The following PAM variants were observed in gnomAD, a reference collection of about 807,000 sequenced individuals.
The protein encoded by PAM is peptidyl-glycine alpha-amidating monooxygenase.
Under a neutral mutation model 122.1 loss-of-function variants are expected in PAM, and 72 were observed. The observed-to-expected ratio is 0.59, with a 90% CI of 0.49 to 0.72. The LOEUF (loss-of-function observed/expected upper bound fraction) is 0.72, where lower values mean the gene tolerates loss of function less well. PAM is among the 30% of genes least tolerant of loss of function. The pLI, the probability that PAM is intolerant of heterozygous loss-of-function variation, is 0.00. For synonymous variants in PAM, 389 were observed against 404.4 expected (o/e 0.96, Z 0.46); for missense variants, 1,106 against 1,183.7 (o/e 0.93, Z 0.96).
At chr5:102,791,292 A>C (rs1470906418) in intron 1 of PAM, among the ~76,000 whole-genome samples, 1 of 152,128 alleles carries the variant, frequency 6.6e-6, no homozygotes, top group African/African-American at 2.4e-5. Context: ...CGTATATGCC[A>C]AATTGTTCTT....
Position 102,847,558 on chromosome 5 carries a change from GA to G in PAM, c.-373-18256del, listed in dbSNP as rs200576614. ...GCAGTGAATGCAACTCTTTATTTGG[GA>G]AAAAAAAATTTAGTAAAATATAAAA... On this transcript the variant is annotated intron_variant, in intron 1 of 25. Coordinates refer to ENST00000438793, the MANE Select transcript of PAM (RefSeq NM_001177306.2). 1.9e-3 allele frequency among the ~76,000 whole-genome samples: 287 copies of G among 151,092 alleles called. 6 individuals are homozygous for G. The East Asian group carries it at 0.035, about 18-fold the overall frequency.
At chr5:102,763,862 G>A (rs1301790155) in intron 1 of PAM, among the ~76,000 whole-genome samples, 1 of 152,218 alleles carries the variant, frequency 6.6e-6, no homozygotes, top group South Asian at 2.1e-4. Flanking sequence ...AAGAACATAG[G>A]AGAGTGTTTT....
chr5:102,763,757 A>G (rs1163522751), intron 1 of PAM, among the ~76,000 whole-genome samples: 4 of 152,178 alleles, frequency 2.6e-5, no homozygotes, highest in African/African-American at 9.7e-5. Flanking sequence ...GATCAAGGGG[A>G]GAGAAGAGCT....
At chr5:103,014,210 A>C (rs575698513) in intron 21 of PAM, among the ~76,000 whole-genome samples, 1 of 152,320 alleles carries the variant, frequency 6.6e-6, no homozygotes, top group African/African-American at 2.4e-5. Context: ...TTTAATTTAA[A>C]TATGCATCTA....
chr5:102,768,554 A>G (rs951054602), intron 1 of PAM, among the ~76,000 whole-genome samples: 5 of 151,958 alleles, frequency 3.3e-5, no homozygotes, highest in African/African-American at 1.2e-4. Context: ...AATTGTTTGT[A>G]TTTTTAGTTC....
intron 1 of PAM, among the ~76,000 whole-genome samples, chr5:102,802,148 C>T (rs983955252): frequency 6.6e-6 from 1 of 152,146 alleles, no homozygotes; most frequent in African/African-American, 2.4e-5. Flanking sequence ...AAACTAGCTT[C>T]TTTAGAAAAA....
At chr5:102,923,260 G>C (rs1748080583) in intron 5 of PAM, among the ~76,000 whole-genome samples, 1 of 152,184 alleles carries the variant, frequency 6.6e-6, no homozygotes, top group Admixed American at 6.5e-5. Context: ...CCCTGCCTCT[G>C]AGTCTGAAGC....
intron 7 of PAM, 128 bp from the exon 8 acceptor site, chr5:102,946,709 A>G: frequency 1.5e-6 from 1 of 646,890 alleles, no homozygotes; most frequent in Non-Finnish European, 2.7e-6. Flanking sequence ...TAAATCATAA[A>G]GAACCATACA....
At chr5:102,868,941 A>T (rs1310568167) in intron 3 of PAM, among the ~76,000 whole-genome samples, 3 of 152,248 alleles carry the variant, frequency 2.0e-5, no homozygotes, top group Non-Finnish European at 4.4e-5. Flanking sequence ...AAATGTGTTC[A>T]TTTTTATAAT....
At chr5:102,907,126 T>C (rs1799806735) in intron 4 of PAM, among the ~76,000 whole-genome samples, 1 of 151,750 alleles carries the variant, frequency 6.6e-6, no homozygotes, top group South Asian at 2.1e-4. Context: ...GTTAATTTGG[T>C]GGCAGCAGCT....
chr5:102,990,426 A>G (rs1349151358), intron 16 of PAM, 25 bp downstream of exon 16: 1 of 1,542,262 alleles, frequency 6.5e-7, no homozygotes, highest in East Asian at 2.3e-5. Context: ...TTCTTCAATA[A>G]GCAAATGAAA....
intron 3 of PAM, among the ~76,000 whole-genome samples, chr5:102,868,645 T>C (rs1419234089): frequency 6.6e-6 from 1 of 152,218 alleles, no homozygotes; most frequent in Admixed American, 6.5e-5. Context: ...CTTTTAAAAC[T>C]GGGTTTCCCC....
At chr5:102,905,787 T>A (rs1799356357) in intron 4 of PAM, among the ~76,000 whole-genome samples, 3 of 151,802 alleles carry the variant, frequency 2.0e-5, no homozygotes, top group Non-Finnish European at 4.4e-5. Flanking sequence ...TGTCTAAGTA[T>A]CCTTTCTCTT....
chr5:102,834,574 A>G (rs1241273892), intron 1 of PAM, among the ~76,000 whole-genome samples: 2 of 152,188 alleles, frequency 1.3e-5, no homozygotes, highest in Non-Finnish European at 2.9e-5. Flanking sequence ...TTAAATAATG[A>G]GGTCAAGGAA....
chr5:102,930,180 A>G (rs17154847), intron 7 of PAM, among the ~76,000 whole-genome samples: 2,194 of 152,332 alleles, frequency 0.014, 49 homozygotes, highest in African/African-American at 0.051. Context: ...CATATCAACC[A>G]TAGTGTCAAG....
At chr5:102,941,858 A>G (rs905615354) in intron 7 of PAM, among the ~76,000 whole-genome samples, 2 of 149,736 alleles carry the variant, frequency 1.3e-5, no homozygotes, top group Non-Finnish European at 3.0e-5. Flanking sequence ...AAAAAAAAAA[A>G]AGAGCTGTGT....
At chr5:102,974,822 A>G (rs191306156) in intron 15 of PAM, 32 of 161,832 alleles carry the variant, frequency 2.0e-4, no homozygotes, top group Admixed American at 4.3e-4. Flanking sequence ...AGTTTAAGAA[A>G]TGCTCATATA....
intron 1 of PAM, among the ~76,000 whole-genome samples, chr5:102,775,896 C>T (rs1278182931): frequency 1.3e-5 from 2 of 151,940 alleles, no homozygotes; most frequent in Admixed American, 6.6e-5. Context: ...TCTGGTAATA[C>T]ATCCTTGAGG....
intron 3 of PAM, among the ~76,000 whole-genome samples, chr5:102,887,519 C>T (rs928625468): frequency 2.0e-5 from 3 of 151,908 alleles, no homozygotes; most frequent in Non-Finnish European, 2.9e-5. Flanking sequence ...TTGTGTTCTT[C>T]AGTCAAAGCA....
Sources: allele counts gnomAD v4.1 joint callset (sites outside exome capture counted in the v4.1 genomes callset), GRCh38; gene constraint gnomAD v4.1.1; transcripts MANE v1.5; gene names NCBI Gene and HGNC (gene_info 2026-07-23, HGNC 2026-07-21).